The following DNAH11 variants were observed in gnomAD, a reference collection of about 807,000 sequenced individuals.
DNAH11 encodes the protein axonemal beta dynein heavy chain 11.
A neutral mutation model predicts 526.0 loss-of-function variants in DNAH11; 442 were observed. That is an observed-to-expected ratio of 0.84 (90% CI 0.78 to 0.91). The LOEUF (loss-of-function observed/expected upper bound fraction) is 0.91, where lower values mean the gene tolerates loss of function less well. Ranked by LOEUF, DNAH11 falls within the 40% of genes least tolerant of loss-of-function variation. DNAH11 has a pLI of 0.00. For missense variants in DNAH11, 6,989 were observed against 5,448.7 expected, an observed-to-expected ratio of 1.28 and a Z score of -8.90; for synonymous variants, 2,461 against 1,935.9, an observed-to-expected ratio of 1.27 and a Z score of -7.12.
At chr7:21,668,312 T>C (rs991703652) in intron 30 of DNAH11, among the ~76,000 whole-genome samples, 7 of 152,130 alleles carry the variant, frequency 4.6e-5, no homozygotes, top group African/African-American at 1.7e-4. Flanking sequence ...AAAGGGCATG[T>C]TGACTTATTT....
chr7:21,637,028 A>T (rs193232330), intron 26 of DNAH11, among the ~76,000 whole-genome samples: 210 of 152,310 alleles, frequency 1.4e-3, no homozygotes, highest in Middle Eastern at 0.01. Context: ...AAAAATTGAG[A>T]TTAAAAGGTT....
At chr7:21,883,526 G>A (rs1211870571) in intron 75 of DNAH11, among the ~76,000 whole-genome samples, 1 of 152,170 alleles carries the variant, frequency 6.6e-6, no homozygotes, top group Non-Finnish European at 1.5e-5. Flanking sequence ...CTGGACTTTT[G>A]GAAAATACTA....
At chr7:21,613,796 A>T (rs1414022565) in intron 20 of DNAH11, among the ~76,000 whole-genome samples, 1 of 152,088 alleles carries the variant, frequency 6.6e-6, no homozygotes, top group East Asian at 1.9e-4. Context: ...ACAGGGTCTC[A>T]CTCTGACCAG....
intron 30 of DNAH11, among the ~76,000 whole-genome samples, chr7:21,675,460 A>C (rs1196050888): frequency 6.6e-6 from 1 of 152,216 alleles, no homozygotes; most frequent in East Asian, 1.9e-4. Context: ...GTGCCTTTCT[A>C]ATCCCTATAT....
At chr7:21,680,478 C>G (rs996919978) in intron 30 of DNAH11, among the ~76,000 whole-genome samples, 51 of 152,318 alleles carry the variant, frequency 3.3e-4, no homozygotes, top group Middle Eastern at 3.4e-3. Flanking sequence ...CAGCATCTTT[C>G]AAACCTCTCT....
rs1451472712 is a variant in DNAH11, at chr7:21,543,208, G to C, written c.-38G>C. On this transcript the variant is annotated 5_prime_UTR_variant, in exon 1 of 82. Coordinates refer to ENST00000409508, the MANE Select transcript of DNAH11 (RefSeq NM_001277115.2). Reference sequence around the variant, plus strand: ...CGGGGGGCCCAGAGTCTCGGGTGAGGAGCCAGCCGGCCTCGCGTTCCCTCG... The same window carrying C: ...CGGGGGGCCCAGAGTCTCGGGTGAGCAGCCAGCCGGCCTCGCGTTCCCTCG... 1 of 1,483,536 alleles carries C rather than the reference G, an allele frequency of 6.7e-7. No individual in the cohort carries two copies. Among genetic ancestry groups the C allele is most frequent in the Admixed American group, 2.4e-5 (1 of 42,452 alleles). The allele number at this position is 1,483,536 out of a possible 1,614,324, so 91.9% of individuals were successfully genotyped here. A position where few individuals can be genotyped will look rare whatever the true frequency, so the allele number is the denominator to read the frequency against.
chr7:21,661,418 AG>A (rs1562736465), intron 30 of DNAH11, among the ~76,000 whole-genome samples: 1 of 151,962 alleles, frequency 6.6e-6, no homozygotes, highest in Non-Finnish European at 1.5e-5. Flanking sequence ...TTGATAATCC[AG>A]CTGGGTATAG....
At chr7:21,855,448 A>G (rs898665226) in intron 68 of DNAH11, among the ~76,000 whole-genome samples, 1 of 152,246 alleles carries the variant, frequency 6.6e-6, no homozygotes, top group African/African-American at 2.4e-5. Flanking sequence ...AAGAACAACT[A>G]TTTATTGAGT....
chr7:21,820,790 A>G (rs755144764), intron 65 of DNAH11, among the ~76,000 whole-genome samples: 1 of 152,192 alleles, frequency 6.6e-6, no homozygotes, highest in Non-Finnish European at 1.5e-5. Flanking sequence ...GTTTTTAACT[A>G]AGGGACCATG....
intron 25 of DNAH11, among the ~76,000 whole-genome samples, chr7:21,627,630 G>A (rs879934776): frequency 2.6e-5 from 4 of 151,984 alleles, no homozygotes; most frequent in South Asian, 4.2e-4. Context: ...CTGTTCCATT[G>A]GTCTCTGTGT....
chr7:21,811,071 T>C (rs1469072264), intron 63 of DNAH11, among the ~76,000 whole-genome samples: 1 of 151,792 alleles, frequency 6.6e-6, no homozygotes, highest in Non-Finnish European at 1.5e-5. Flanking sequence ...ACATACGGTA[T>C]AAATACACAA....
At chr7:21,750,079 A>G (rs1330885345) in intron 53 of DNAH11, 143 bp from the exon 54 acceptor site, 2 of 1,198,818 alleles carry the variant, frequency 1.7e-6, no homozygotes, top group African/African-American at 1.5e-5. Context: ...TCGTAAATAA[A>G]AAAGAAACAT....
At chr7:21,757,812 T>C (rs909568796) in intron 54 of DNAH11, among the ~76,000 whole-genome samples, 6 of 152,254 alleles carry the variant, frequency 3.9e-5, no homozygotes, top group East Asian at 1.9e-4. Flanking sequence ...GACACACACA[T>C]GACATAAGCC....
Position 21,655,839 on chromosome 7 carries a change from G to A in DNAH11, c.4952G>A (p.Cys1651Tyr). The change falls in exon 29 of 82, where the codon TGT becomes TAT. Residue 1651 changes from cysteine to tyrosine, a missense_variant. Physicochemically the swap from Cys to Tyr is radical, Grantham distance 194. Coordinates refer to ENST00000409508, the MANE Select transcript of DNAH11 (RefSeq NM_001277115.2). ...CTAATATTCTCATTTTAGGTAACATGTCACCTTGCCAAACTTTTCGACAGC... is the reference window on the plus strand; with the variant it reads ...CTAATATTCTCATTTTAGGTAACATATCACCTTGCCAAACTTTTCGACAGC... Reference protein sequence around the residue: ...SKGAQPKQVTCHLAKLFDSIA... With the variant: ...SKGAQPKQVTYHLAKLFDSIA... The A allele has an allele frequency of 6.2e-7, 1 of 1,612,684 alleles. No individual in the cohort carries two copies. Among genetic ancestry groups the A allele is most frequent in the Non-Finnish European group, 8.5e-7 (1 of 1,179,230 alleles).
In DNAH11 at chr7:21,639,177, A is replaced by G. The variant is rs992263709; in HGVS notation, c.4944+112A>G. On this transcript the variant is annotated intron_variant, in intron 28 of 81. Transcript: ENST00000409508. ...ATGTCACGTGGGCCAGGAACTAGAAAATCTGCAGTTAAAATTTGTAATGTA... is the reference window on the plus strand; with the variant it reads ...ATGTCACGTGGGCCAGGAACTAGAAGATCTGCAGTTAAAATTTGTAATGTA... 4 of 1,313,508 alleles carry G rather than the reference A, an allele frequency of 3.0e-6. No individual in the cohort carries two copies. In the African/African-American group the frequency reaches 6.0e-5, roughly 20 times the overall value. 81.4% of individuals were successfully genotyped at this position (1,313,508 alleles called of 1,614,324 possible).
chr7:21,793,237 A>T (rs116219526), intron 61 of DNAH11, among the ~76,000 whole-genome samples: 2,125 of 152,280 alleles, frequency 0.014, 41 homozygotes, highest in African/African-American at 0.043. Flanking sequence ...GGTACTTGAT[A>T]TGATTTTTAC....
At chr7:21,842,860 C>A in intron 66 of DNAH11, 112 bp downstream of exon 66, 1 of 923,756 alleles carries the variant, frequency 1.1e-6, no homozygotes, top group Non-Finnish European at 1.6e-6. Flanking sequence ...ATCCTGCAAC[C>A]TAATTGGGAA....
At chr7:21,775,660 A>T (rs892999371) in intron 56 of DNAH11, among the ~76,000 whole-genome samples, 1 of 151,196 alleles carries the variant, frequency 6.6e-6, no homozygotes. Context: ...TTTTATTCAC[A>T]GCTTATTTTA....
intron 45 of DNAH11, among the ~76,000 whole-genome samples, chr7:21,734,907 C>T (rs976005047): frequency 6.6e-6 from 1 of 151,616 alleles, no homozygotes; most frequent in African/African-American, 2.4e-5. Context: ...TGCAGTGGCT[C>T]AAGCCTGTAA....
Sources: gnomAD v4.1 joint callset for allele counts (sites outside exome capture counted in the v4.1 genomes callset) on GRCh38, gnomAD v4.1.1 for gene constraint, MANE v1.5 for transcripts, NCBI Gene and HGNC (gene_info 2026-07-23, HGNC 2026-07-21) for gene names.